The following IFT172 variants were observed in gnomAD, a reference collection of about 807,000 sequenced individuals.
IFT172 encodes intraflagellar transport protein 172 homolog.
Under a neutral mutation model 248.9 loss-of-function variants are expected in IFT172, and 164 were observed. That is an observed-to-expected ratio of 0.66 (90% CI 0.58 to 0.75). The LOEUF is 0.75. IFT172 is among the 30% of genes least tolerant of loss of function. The probability of loss-of-function intolerance (pLI) is 0.00; values close to 1 mark genes in which losing one functional copy is unlikely to be tolerated. For synonymous variants in IFT172, 729 were observed against 791.6 expected, an observed-to-expected ratio of 0.92 and a Z score of 1.33; for missense variants, 1,950 against 2,192.4, an observed-to-expected ratio of 0.89 and a Z score of 2.21.
At chr2:27,448,758 G>A (rs1009832275) in intron 40 of IFT172, among the ~76,000 whole-genome samples, 157 bp downstream of exon 40, 3 of 152,170 alleles carry the variant, frequency 2.0e-5, no homozygotes, top group South Asian at 2.1e-4. Context: ...ACAGCCTCCA[G>A]AGAGGCTGTA....
chr2:27,485,704 G>GAC (rs1337219848), intron 1 of IFT172, among the ~76,000 whole-genome samples: 2 of 152,172 alleles, frequency 1.3e-5, no homozygotes, highest in Admixed American at 1.3e-4. Flanking sequence ...GGCTTCTAGA[G>GAC]ACTCATATGC....
rs1012597627 is a variant in IFT172 at position 27,453,673 on chromosome 2, G to C, written c.3778C>G (p.Leu1260Val). The change falls in exon 34 of 48, where the codon CTG becomes GTG. Residue 1260 changes from leucine to valine, a missense_variant. Around this residue, in one of 3 missense-constraint regions of IFT172, gnomAD observed 620 missense variants for 699.0 expected, o/e 0.89. Transcript: ENST00000260570. ...KDYVPSQLEA[L>V]QEEYEREATK... ...GCTTCCCGCTCATATTCTTCCTGCA[G>C]AGCCTCCAGCTGGCTGGGCACATAG... The C allele has an allele frequency of 6.8e-6, 11 of 1,612,574 alleles. No individual in the cohort carries two copies. The highest frequency in any genetic ancestry group is 7.6e-6 in the Non-Finnish European group (9 of 1,179,568).
intron 1 of IFT172, among the ~76,000 whole-genome samples, chr2:27,486,825 G>A (rs1325015928): frequency 6.6e-6 from 1 of 152,210 alleles, no homozygotes; most frequent in Non-Finnish European, 1.5e-5. Context: ...TTCCATTAGG[G>A]CGGAGAAATT....
Position 27,461,798 on chromosome 2 carries a change from T to C in IFT172, c.2154A>G (p.Leu718=), listed in dbSNP as rs771437158. 2 of 1,614,160 alleles carry C rather than the reference T, an allele frequency of 1.2e-6. No homozygotes were observed. The highest frequency in any genetic ancestry group is 2.2e-5 in the South Asian group (2 of 91,078). ...CAGCGATACACTCATCCCAACGGTG[T>C]AGCTCCTGGTACATGCCCATGGCCT... is the stretch of plus-strand genomic sequence containing the variant. ...VEEAMGMYQE[L]HRWDECIAVA... The change falls in exon 21 of 48, where the codon CTA becomes CTG. Residue 718 remains leucine (L), a synonymous_variant. Coordinates refer to ENST00000260570, the MANE Select transcript of IFT172 (RefSeq NM_015662.3).
intron 14 of IFT172, among the ~76,000 whole-genome samples, 175 bp from the exon 15 acceptor site, chr2:27,472,537 C>T (rs1048977972): frequency 6.6e-6 from 1 of 152,188 alleles, no homozygotes; most frequent in Admixed American, 6.5e-5. Context: ...AATGTCATCA[C>T]TCTCTGGGGC....
At chr2:27,456,205 GTC>G (rs1459169770) in intron 30 of IFT172, among the ~76,000 whole-genome samples, 1 of 151,236 alleles carries the variant, frequency 6.6e-6, no homozygotes, top group Non-Finnish European at 1.5e-5. Flanking sequence ...GTGAGACTCT[GTC>G]TCAAAAAAAA....
Position 27,477,600 on chromosome 2 carries a change from C to G in IFT172, c.1180G>C (p.Gly394Arg), listed in dbSNP as rs1668055776. 1 of 1,608,642 alleles carries G rather than the reference C, an allele frequency of 6.2e-7. No homozygotes were observed. Among genetic ancestry groups the G allele is most frequent in the African/African-American group, 1.3e-5 (1 of 74,828 alleles). The change falls in exon 12 of 48, where the codon GGA becomes CGA. Residue 394 changes from glycine (G) to arginine (R), a missense_variant. Physicochemically the swap from Gly to Arg is moderately radical, Grantham distance 125. Transcript: ENST00000260570. ...TNRLSEIAWQ[G>R]SGGNEKYFFE... ...AAATACTTCTCATTGCCACCAGATC[C>G]TTGCCAGGCTATCTGTAACGGGAGA... is the stretch of plus-strand genomic sequence containing the variant.
chr2:27,484,834 G>A (rs1397036862), intron 3 of IFT172, among the ~76,000 whole-genome samples, 184 bp downstream of exon 3: 2 of 152,176 alleles, frequency 1.3e-5, no homozygotes, highest in African/African-American at 4.8e-5. Context: ...TTTCCTCCAG[G>A]GATGGGATTG....
In IFT172 at chr2:27,449,551, T is replaced by G; in HGVS notation, c.4172A>C (p.Tyr1391Ser). 3.1e-6 allele frequency: 5 copies of G among 1,614,210 alleles called. No homozygotes were observed. Among genetic ancestry groups the G allele is most frequent in the Non-Finnish European group, 4.2e-6 (5 of 1,180,026 alleles). Residue 1391 changes from tyrosine (Y) to serine (S), a missense_variant, in exon 38 of 48, where the codon TAT becomes TCT. Physicochemically the swap from Tyr to Ser is moderately radical, Grantham distance 144. Around this residue, in one of 3 missense-constraint regions of IFT172, gnomAD observed 620 missense variants for 699.0 expected, o/e 0.89. Transcript: ENST00000260570. ...GAACTCTTTATAATGCTGGTCCACA[T>G]AGTCTTCATACCTGTGAAGATGTTC... Reference protein sequence around the residue: ...AKELDPRYEDYVDQHYKEFLK... With the variant: ...AKELDPRYEDSVDQHYKEFLK...
Position 27,483,393 on chromosome 2 carries a change from G to C in IFT172, c.483-17C>G. The C allele has an allele frequency of 6.5e-7, 1 of 1,544,224 alleles. No individual in the cohort carries two copies. Among genetic ancestry groups the C allele is most frequent in the Non-Finnish European group, 9.0e-7 (1 of 1,116,668 alleles). Reference sequence around the variant, plus strand: ...CCAGAGCAACTAAAAAAGGAGAAAGGAGAGAAATACAGGAAGAGACTATTT... The same window carrying C: ...CCAGAGCAACTAAAAAAGGAGAAAGCAGAGAAATACAGGAAGAGACTATTT... On this transcript the variant is annotated splice_polypyrimidine_tract_variant and intron_variant, in intron 6 of 47. Coordinates refer to ENST00000260570, the MANE Select transcript of IFT172 (RefSeq NM_015662.3).
chr2:27,483,839 C>T, intron 5 of IFT172, 33 bp downstream of exon 5: 1 of 1,555,132 alleles, frequency 6.4e-7, no homozygotes, highest in Non-Finnish European at 8.9e-7. Flanking sequence ...ATCCCTACCA[C>T]CCCCTCTCTT....
In IFT172 at chr2:27,459,765, G is replaced by GT; in HGVS notation, c.2585dup (p.Asp862GlufsTer10). 6.2e-7 allele frequency: 1 copy of GT among 1,612,978 alleles called. No individual in the cohort carries two copies. The highest frequency in any genetic ancestry group is 8.5e-7 in the Non-Finnish European group (1 of 1,180,020). ...CAAGCTGCTTCTGCTGCACCAGGTGGTCCCCCCATGCCTCCTCTAGTTTCA... is the reference window on the plus strand; with the variant it reads ...CAAGCTGCTTCTGCTGCACCAGGTGGTTCCCCCCATGCCTCCTCTAGTTTCA... On this transcript the variant is annotated frameshift_variant, in exon 24 of 48. Transcript: ENST00000260570. LOFTEE classifies it high-confidence loss of function.
Position 27,465,488 on chromosome 2 carries a change from C to T in IFT172, c.1860G>A (p.Met620Ile), listed in dbSNP as rs1274946261. 2 of 1,613,998 alleles carry T rather than the reference C, an allele frequency of 1.2e-6. No homozygotes were observed. Among genetic ancestry groups the T allele is most frequent in the East Asian group, 2.2e-5 (1 of 44,894 alleles). ...RATAFLETLE[M>I]TPETEAMWKT... ...TCCACATTGCCTCTGTTTCTGGGGT[C>T]ATTTCCAGAGTCTCTAAGAAGGCTG... The change falls in exon 18 of 48, where the codon ATG (methionine) becomes ATA (isoleucine). Residue 620 changes from methionine (M) to isoleucine (I), a missense_variant. Met to Ile is a conservative substitution (Grantham distance 10). Transcript: ENST00000260570.
intron 12 of IFT172, 44 bp from the exon 13 acceptor site, chr2:27,477,364 G>T: frequency 6.5e-7 from 1 of 1,543,818 alleles, no homozygotes; most frequent in Non-Finnish European, 9.0e-7. Context: ...GCTACATGAA[G>T]AAAAACAGTA....
rs894833948 is a variant in IFT172 at position 27,446,041 on chromosome 2, A to G, written c.4756-53T>C. 21 of 1,601,706 alleles carry G rather than the reference A, an allele frequency of 1.3e-5. No individual in the cohort carries two copies. In the African/African-American group the frequency reaches 2.5e-4, roughly 19 times the overall value. ...AGTGAACAAGCTGGGTTTGAATGCT[A>G]CTTCTCTGGGATCCAGATGCAAATG... On this transcript the variant is annotated intron_variant, in intron 43 of 47. Coordinates refer to ENST00000260570, the MANE Select transcript of IFT172 (RefSeq NM_015662.3).
Position 27,445,499 on chromosome 2 carries a change from C to T in IFT172, c.4915-50G>A, listed in dbSNP as rs779399556. On this transcript the variant is annotated intron_variant, in intron 45 of 47. Transcript: ENST00000260570. This position sits in a 1 kb window ranked among gnomAD's most constrained non-coding sequence, Gnocchi z 4.4. The stretch of plus-strand genomic sequence containing the variant: ...TAGCTTCACACAGGGCAGGGCAGGA[C>T]AAGTTGGGGTGGATGGGTGAGGAGG... 6.4e-7 allele frequency: 1 copy of T among 1,573,084 alleles called. No homozygotes were observed. The highest frequency in any genetic ancestry group is 1.2e-5 in the South Asian group (1 of 86,132).
chr2:27,482,515 C>G (rs1302870407), intron 7 of IFT172, among the ~76,000 whole-genome samples: 4 of 152,026 alleles, frequency 2.6e-5, no homozygotes, highest in Non-Finnish European at 1.5e-5. Context: ...CAACTCCTGA[C>G]CTCAGGTGAT....
rs150739354 is a variant in IFT172, at chr2:27,463,136, A to G, written c.1983T>C (p.His661=). The change falls in exon 19 of 48, where the codon CAT becomes CAC. Residue 661 remains histidine, a synonymous_variant. Coordinates refer to ENST00000260570, the MANE Select transcript of IFT172 (RefSeq NM_015662.3). ...LGQVAKARFL[H]ETNEIADQVS... is the part of the protein sequence containing the mutation. ...CTTGATCTGCAATCTCATTGGTCTC[A>G]TGCAGGAATCGAGCTTTTGCTACTT... is the stretch of plus-strand genomic sequence containing the variant. The G allele has an allele frequency of 6.2e-7, 1 of 1,614,088 alleles. No homozygotes were observed. Among genetic ancestry groups the G allele is most frequent in the Non-Finnish European group, 8.5e-7 (1 of 1,180,020 alleles).
At chr2:27,447,734 A>C (rs1572717090) in intron 41 of IFT172, 78 bp downstream of exon 41, 3 of 1,604,448 alleles carry the variant, frequency 1.9e-6, no homozygotes, top group Non-Finnish European at 1.7e-6. Context: ...GGTAAAATAC[A>C]TCTGAGAATA....
Sources: gnomAD v4.1 joint callset for allele counts (sites outside exome capture counted in the v4.1 genomes callset) on GRCh38, gnomAD v4.1.1 for gene constraint, gnomAD v4.1.1 regional missense constraint, Gnocchi (gnomAD v3.1) non-coding constraint, MANE v1.5 for transcripts, NCBI Gene and HGNC (gene_info 2026-07-23, HGNC 2026-07-21) for gene names.